TMEM135: variants seen among roughly 807,000 people sequenced by gnomAD.
TMEM135 encodes transmembrane protein 135, also known as peroxisomal membrane protein 52.
TMEM135 carries 30 observed loss-of-function variants against 60.3 expected under a neutral mutation model. That is an observed-to-expected ratio of 0.50 (90% confidence interval 0.37 to 0.68). TMEM135 has a LOEUF of 0.68. Ranked by LOEUF, TMEM135 falls within the 30% of genes least tolerant of loss-of-function variation. The pLI is 0.00. For synonymous variants in TMEM135, 190 were observed against 186.7 expected (o/e 1.02, Z -0.14); for missense variants, 468 against 548.8 (o/e 0.85, Z 1.47).
At chr11:87,285,926 G>C (rs1190795029) in intron 6 of TMEM135, among the ~76,000 whole-genome samples, 1 of 152,162 alleles carries the variant, frequency 6.6e-6, no homozygotes, top group African/African-American at 2.4e-5. Context: ...TAATCCCTGA[G>C]CTAGACACAG....
chr11:87,073,937 G>A (rs1856822214), intron 3 of TMEM135, among the ~76,000 whole-genome samples: 1 of 151,718 alleles, frequency 6.6e-6, no homozygotes, highest in African/African-American at 2.4e-5. Flanking sequence ...CAAAGTGCTG[G>A]GATTACCTGC....
chr11:87,073,709 C>A lies in TMEM135; in HGVS notation c.362+2094C>A, dbSNP rs530660937. ...TTGAGACGGAGTCTCGCTCTGTTGC[C>A]CAGGCTGGAGTGCAATGGTGCAATC... On this transcript the variant is annotated intron_variant, in intron 3 of 14. Transcript: ENST00000305494. 9.9e-5 allele frequency among the ~76,000 whole-genome samples: 15 copies of A among 152,002 alleles called. No individual in the cohort carries two copies. In the South Asian group the frequency reaches 3.1e-3, roughly 32 times the overall value.
chr11:87,255,833 A>G (rs1437789482), intron 6 of TMEM135, among the ~76,000 whole-genome samples: 1 of 152,150 alleles, frequency 6.6e-6, no homozygotes, highest in Non-Finnish European at 1.5e-5. Context: ...GTGAGGTAAG[A>G]GGAGGTCTTC....
intron 4 of TMEM135, among the ~76,000 whole-genome samples, chr11:87,132,300 T>C (rs1937955202): frequency 6.6e-6 from 1 of 152,120 alleles, no homozygotes; most frequent in Admixed American, 6.6e-5. Flanking sequence ...AGATAACACA[T>C]ACAGTACCTA....
intron 5 of TMEM135, among the ~76,000 whole-genome samples, chr11:87,167,743 C>G (rs770459418): frequency 1.3e-5 from 2 of 152,144 alleles, no homozygotes; most frequent in African/African-American, 2.4e-5. Context: ...CATCGATGTT[C>G]ATCAGGGATA....
chr11:87,207,431 C>T (rs998260307), intron 5 of TMEM135, among the ~76,000 whole-genome samples: 11 of 152,056 alleles, frequency 7.2e-5, no homozygotes, highest in African/African-American at 2.7e-4. Context: ...TCAGATGTCC[C>T]TTAGATCTCC....
At chr11:87,160,282 C>T (rs967350721) in intron 5 of TMEM135, among the ~76,000 whole-genome samples, 15 of 152,208 alleles carry the variant, frequency 9.9e-5, no homozygotes, top group South Asian at 8.3e-4. Context: ...GAAGATTTTC[C>T]GCTCTCTGAA....
In TMEM135 at chr11:87,326,334, C is replaced by T; in HGVS notation, c.*5001C>T. The T allele has an allele frequency of 2.2e-6, 1 of 454,052 alleles. No homozygotes were observed. The highest frequency in any genetic ancestry group is 1.6e-5 in the South Asian group (1 of 64,470). The allele number at this position is 454,052 out of a possible 1,614,324, so 28.1% of individuals were successfully genotyped here. The stretch of plus-strand genomic sequence containing the variant: ...GTAGACCTATGTTGGCTGAGGTCAC[C>T]CTGCATTACTACTTTCCTCCATCCC... On this transcript the variant is annotated 3_prime_UTR_variant, in exon 15 of 15. Coordinates refer to ENST00000305494, the MANE Select transcript of TMEM135 (RefSeq NM_022918.4).
At chr11:87,194,116 G>T (rs79886640) in intron 5 of TMEM135, among the ~76,000 whole-genome samples, 1 of 152,110 alleles carries the variant, frequency 6.6e-6, no homozygotes, top group African/African-American at 2.4e-5. Flanking sequence ...CCTTTTAATG[G>T]ATTTTACTTC....
chr11:87,139,282 T>C (rs1467908051), intron 4 of TMEM135, among the ~76,000 whole-genome samples: 1 of 152,194 alleles, frequency 6.6e-6, no homozygotes, highest in Non-Finnish European at 1.5e-5. Flanking sequence ...GGACAGGTAG[T>C]ATTTTGAGAA....
intron 5 of TMEM135, among the ~76,000 whole-genome samples, chr11:87,163,933 T>C (rs200416175): frequency 0.34 from 48,827 of 141,868 alleles, 8,891 homozygotes; most frequent in East Asian, 0.64. Flanking sequence ...AGATTCTGGA[T>C]ATTAGCCCTT....
intron 5 of TMEM135, among the ~76,000 whole-genome samples, chr11:87,178,865 T>C (rs529560401): frequency 2.8e-4 from 43 of 152,236 alleles, no homozygotes; most frequent in African/African-American, 9.9e-4. Flanking sequence ...TTTTCAGTTA[T>C]GAAAATTGGA....
At chr11:87,239,077 A>G in intron 6 of TMEM135, among the ~76,000 whole-genome samples, 1 of 152,042 alleles carries the variant, frequency 6.6e-6, no homozygotes, top group Non-Finnish European at 1.5e-5. Flanking sequence ...TCAACCCAGT[A>G]TTTTTGGTGT....
At chr11:87,249,389 A>G (rs1316278242) in intron 6 of TMEM135, among the ~76,000 whole-genome samples, 1 of 151,938 alleles carries the variant, frequency 6.6e-6, no homozygotes, top group Non-Finnish European at 1.5e-5. Context: ...GATGTATCAC[A>G]TTGATTGATT....
intron 5 of TMEM135, among the ~76,000 whole-genome samples, chr11:87,163,167 C>G (rs1591067381): frequency 6.8e-6 from 1 of 146,526 alleles, no homozygotes; most frequent in Admixed American, 6.8e-5. Flanking sequence ...AGGTATATCT[C>G]CCAATGCTAT....
intron 4 of TMEM135, among the ~76,000 whole-genome samples, chr11:87,116,771 G>C (rs1033114316): frequency 7.9e-5 from 12 of 151,502 alleles, no homozygotes; most frequent in Admixed American, 6.6e-5. Flanking sequence ...CTTTTCCAGT[G>C]CATATAAAAA....
At chr11:87,109,007 T>C (rs1402040488) in intron 4 of TMEM135, among the ~76,000 whole-genome samples, 5 of 152,104 alleles carry the variant, frequency 3.3e-5, no homozygotes, top group Non-Finnish European at 7.4e-5. Context: ...GATAATGTAA[T>C]CTATAGTAAT....
chr11:87,195,353 C>T (rs997024473), intron 5 of TMEM135, among the ~76,000 whole-genome samples: 11 of 122,676 alleles, frequency 9.0e-5, no homozygotes, highest in Admixed American at 8.4e-4. Flanking sequence ...TTCCTTCCTT[C>T]CTTCCTTCCT....
chr11:87,053,753 C>A (rs557046990), intron 1 of TMEM135, among the ~76,000 whole-genome samples: 1 of 152,040 alleles, frequency 6.6e-6, no homozygotes, highest in Non-Finnish European at 1.5e-5. Flanking sequence ...CTTCCATTAT[C>A]GTAATATATA....
Sources: gnomAD v4.1 joint callset for allele counts (sites outside exome capture counted in the v4.1 genomes callset) on GRCh38, gnomAD v4.1.1 for gene constraint, MANE v1.5 for transcripts, NCBI Gene and HGNC (gene_info 2026-07-23, HGNC 2026-07-21) for gene names.